Variants in CRYZ observed in about 807,000 individuals in gnomAD.
CRYZ encodes crystallin zeta, also known as zeta-crystallin.
CRYZ carries 35 observed loss-of-function variants against 34.1 expected under a neutral mutation model. That is an observed-to-expected ratio of 1.03 (90% CI 0.78 to 1.36). CRYZ has a LOEUF of 1.36. Ranked by LOEUF, CRYZ falls within the 40% of genes most tolerant of loss-of-function variation. The pLI is 0.00. For missense variants in CRYZ, 403 were observed against 391.8 expected (o/e 1.03, Z -0.24); for synonymous variants, 137 against 136.5 (o/e 1.00, Z -0.03).
At chr1:74,713,668 C>T (rs1243693449) in intron 5 of CRYZ, among the ~76,000 whole-genome samples, 1 of 152,150 alleles carries the variant, frequency 6.6e-6, no homozygotes, top group South Asian at 2.1e-4. Context: ...TTCACATTTT[C>T]AGGATACCAC....
intron 1 of CRYZ, among the ~76,000 whole-genome samples, chr1:74,726,571 T>C (rs1647353195): frequency 6.6e-6 from 1 of 152,178 alleles, no homozygotes; most frequent in Admixed American, 6.5e-5. Flanking sequence ...CGCAAAGGCC[T>C]CTGACATGCC....
At chr1:74,710,322 T>C in intron 5 of CRYZ, 75 bp from the exon 6 acceptor site, 1 of 1,425,262 alleles carries the variant, frequency 7.0e-7, no homozygotes. Context: ...ACAATGAACT[T>C]AAGATTCCTA....
intron 1 of CRYZ, among the ~76,000 whole-genome samples, chr1:74,726,538 T>C (rs1010943783): frequency 5.3e-5 from 8 of 152,322 alleles, no homozygotes; most frequent in African/African-American, 1.9e-4. Context: ...CCTAGGCCTC[T>C]GGCCTGTGAT....
intron 4 of CRYZ, 68 bp from the exon 5 acceptor site, chr1:74,714,698 A>T (rs1647048242): frequency 5.2e-6 from 8 of 1,537,114 alleles, no homozygotes; most frequent in Non-Finnish European, 7.2e-6. Flanking sequence ...TGTTTTCATC[A>T]TCTTAAGGAA....
chr1:74,711,571 C>CACT (rs1015950450), intron 5 of CRYZ, among the ~76,000 whole-genome samples: 3 of 152,160 alleles, frequency 2.0e-5, no homozygotes, highest in African/African-American at 7.2e-5. Context: ...GACTGGAGAA[C>CACT]ACTAAGTTTG....
chr1:74,720,956 G>T (rs914468976), intron 3 of CRYZ, among the ~76,000 whole-genome samples: 7 of 152,024 alleles, frequency 4.6e-5, no homozygotes, highest in East Asian at 1.9e-4. Flanking sequence ...GAAAAAGAAA[G>T]AAATTACTTC....
At chr1:74,723,921 A>T (rs1054798817) in intron 2 of CRYZ, among the ~76,000 whole-genome samples, 2 of 152,252 alleles carry the variant, frequency 1.3e-5, no homozygotes, top group African/African-American at 4.8e-5. Flanking sequence ...TACCTTAATT[A>T]ACACAGAATG....
intron 1 of CRYZ, 55 bp from the exon 2 acceptor site, chr1:74,724,889 G>GT: frequency 2.9e-6 from 3 of 1,052,558 alleles, no homozygotes; most frequent in South Asian, 1.4e-5. Context: ...ATATCACCAT[G>GT]TTTTTCCCCC....
In CRYZ at chr1:74,706,088, CTTTGA is replaced by C. The variant is rs1251416882; in HGVS notation, c.*203_*207del. 1.3e-5 allele frequency: 6 copies of C among 444,962 alleles called. No homozygotes were observed. The highest frequency in any genetic ancestry group is 6.1e-5 in the African/African-American group (3 of 49,522). The allele number at this position is 444,962 out of a possible 1,614,324, so 27.6% of individuals were successfully genotyped here. The stretch of plus-strand genomic sequence containing the variant: ...CATGTTATTTCCTACTATGATGACT[CTTTGA>C]TTTGAGACAGATGGCATAAAAAAAT... On this transcript the variant is annotated 3_prime_UTR_variant, in exon 9 of 9. Coordinates refer to ENST00000340866, the MANE Select transcript of CRYZ (RefSeq NM_001889.4).
At chr1:74,723,062 C>A in intron 3 of CRYZ, 56 bp downstream of exon 3, 1 of 1,557,800 alleles carries the variant, frequency 6.4e-7, no homozygotes, top group South Asian at 1.2e-5. Context: ...AAGCTATGTT[C>A]AAATATTTTT....
At chr1:74,719,581 C>T (rs775828305) in intron 3 of CRYZ, among the ~76,000 whole-genome samples, 16 of 151,690 alleles carry the variant, frequency 1.1e-4, no homozygotes, top group Non-Finnish European at 7.4e-5. Flanking sequence ...TTGCAACCTC[C>T]GCCTCCTGGG....
intron 3 of CRYZ, among the ~76,000 whole-genome samples, chr1:74,721,410 T>A (rs1177920397): frequency 6.6e-6 from 1 of 152,110 alleles, no homozygotes; most frequent in Non-Finnish European, 1.5e-5. Context: ...GGAGAGAGCA[T>A]GAAACAGTCT....
chr1:74,721,868 G>A (rs1387994240), intron 3 of CRYZ, among the ~76,000 whole-genome samples: 2 of 152,196 alleles, frequency 1.3e-5, no homozygotes, highest in Admixed American at 1.3e-4. Flanking sequence ...CATCTGCACT[G>A]TCCAGCAGGA....
At chr1:74,725,039 A>G (rs1647263442) in intron 1 of CRYZ, among the ~76,000 whole-genome samples, 1 of 152,230 alleles carries the variant, frequency 6.6e-6, no homozygotes, top group South Asian at 2.1e-4. Flanking sequence ...TACTTCCTGC[A>G]GGGATTCAGT....
chr1:74,719,157 A>G (rs372321216), intron 4 of CRYZ, 52 bp downstream of exon 4: 34 of 1,576,994 alleles, frequency 2.2e-5, no homozygotes, highest in Middle Eastern at 1.7e-4. Flanking sequence ...GCAGGCAGTT[A>G]ACACTACCCT....
chr1:74,724,824 T>C lies in CRYZ; in HGVS notation c.-3A>G. 1 of 1,587,602 alleles carries C rather than the reference T, an allele frequency of 6.3e-7. No individual in the cohort carries two copies. Among genetic ancestry groups the C allele is most frequent in the South Asian group, 1.1e-5 (1 of 89,140 alleles). On this transcript the variant is annotated 5_prime_UTR_variant, in exon 2 of 9. Coordinates refer to ENST00000340866, the MANE Select transcript of CRYZ (RefSeq NM_001889.4). ...ATCAACTTCTGTCCAGTCGCCATGG[T>C]GATCTAGATACTAAGGAAGAAAAAA...
At chr1:74,718,953 T>C (rs530283597) in intron 4 of CRYZ, among the ~76,000 whole-genome samples, 3 of 152,284 alleles carry the variant, frequency 2.0e-5, no homozygotes, top group African/African-American at 7.2e-5. Context: ...TTCCACATTA[T>C]ATATAAATAT....
At chr1:74,709,567 A>G (rs1646973490) in intron 6 of CRYZ, among the ~76,000 whole-genome samples, 1 of 152,216 alleles carries the variant, frequency 6.6e-6, no homozygotes, top group African/African-American at 2.4e-5. Context: ...CTAATATAGT[A>G]CAAGTGAAGA....
intron 3 of CRYZ, among the ~76,000 whole-genome samples, chr1:74,721,361 TGTGAG>T (rs1312035991): frequency 1.3e-5 from 2 of 152,058 alleles, no homozygotes; most frequent in Non-Finnish European, 2.9e-5. Flanking sequence ...TAAACTACAC[TGTGAG>T]GAGGAGTGGG....
Sources: allele counts gnomAD v4.1 joint callset (sites outside exome capture counted in the v4.1 genomes callset), GRCh38; gene constraint gnomAD v4.1.1; transcripts MANE v1.5; gene names NCBI Gene and HGNC (gene_info 2026-07-23, HGNC 2026-07-21).